TNS3: variants seen among roughly 807,000 people sequenced by gnomAD.
The protein encoded by TNS3 is tensin-3.
Under a neutral mutation model 140.9 loss-of-function variants are expected in TNS3, and 45 were observed. The observed-to-expected ratio is 0.32, with a 90% CI of 0.25 to 0.41. The LOEUF (loss-of-function observed/expected upper bound fraction) is 0.41. Ranked by LOEUF, TNS3 falls within the 10% of genes least tolerant of loss-of-function variation. The pLI is 1.00. For missense variants in TNS3, 1,716 were observed against 1,906.7 expected, an observed-to-expected ratio of 0.90 and a Z score of 1.86; for synonymous variants, 815 against 788.4, an observed-to-expected ratio of 1.03 and a Z score of -0.56.
At chr7:47,452,856 G>A (rs1796078505) in intron 4 of TNS3, 1 of 919,530 alleles carries the variant, frequency 1.1e-6, no homozygotes, top group Admixed American at 6.2e-5. Flanking sequence ...AGGCCACAGA[G>A]GAGGGTGGCC....
In TNS3 at chr7:47,435,162, T is replaced by A. The variant is rs1795115710; in HGVS notation, c.324+120A>T. 4.5e-6 allele frequency: 6 copies of A among 1,340,584 alleles called. No individual in the cohort carries two copies. In the South Asian group the frequency reaches 8.6e-5, roughly 19 times the overall value. 83.0% of individuals were successfully genotyped at this position (1,340,584 alleles called of 1,614,324 possible). ...GTAGGAAAACCTAAAGACAAACCCA[T>A]AAGGAGCACATCGCACCAGCTCAAA... On this transcript the variant is annotated intron_variant, in intron 8 of 30. Coordinates refer to ENST00000311160, the MANE Select transcript of TNS3 (RefSeq NM_022748.12).
At chr7:47,303,901 G>C (rs753155943) in intron 21 of TNS3, among the ~76,000 whole-genome samples, 1 of 152,136 alleles carries the variant, frequency 6.6e-6, no homozygotes, top group African/African-American at 2.4e-5. Context: ...CATCTTCACC[G>C]GGTCAAGGCC....
intron 16 of TNS3, among the ~76,000 whole-genome samples, chr7:47,390,961 G>A (rs899436183): frequency 3.3e-5 from 5 of 152,120 alleles, no homozygotes; most frequent in African/African-American, 1.2e-4. Context: ...GTATCCTCCA[G>A]TCATGTGGCA....
At chr7:47,538,357 G>A (rs1359396012) in intron 1 of TNS3, among the ~76,000 whole-genome samples, 1 of 152,196 alleles carries the variant, frequency 6.6e-6, no homozygotes, top group Non-Finnish European at 1.5e-5. Flanking sequence ...CTGCCTCAGA[G>A]CAGGATAGGG....
At chr7:47,411,190 C>T (rs1009302367) in intron 13 of TNS3, among the ~76,000 whole-genome samples, 1 of 152,176 alleles carries the variant, frequency 6.6e-6, no homozygotes, top group African/African-American at 2.4e-5. Context: ...TCTCGAGGGG[C>T]TCTAGAATGA....
At chr7:47,567,826 GAACTGGAAGTCCTGC>G (rs1461460757) in intron 1 of TNS3, among the ~76,000 whole-genome samples, 1 of 152,138 alleles carries the variant, frequency 6.6e-6, no homozygotes, top group Non-Finnish European at 1.5e-5. Flanking sequence ...TCATGTTCAT[GAACTGGAAGTCCTGC>G]AACTGGTGAG....
At chr7:47,437,745 TACACACAC>T (rs67341898) in intron 6 of TNS3, among the ~76,000 whole-genome samples, 6,437 of 135,756 alleles carry the variant, frequency 0.047, 258 homozygotes, top group African/African-American at 0.11. Context: ...ACATATAGGA[TACACACAC>T]ACACACACAC....
intron 4 of TNS3, among the ~76,000 whole-genome samples, chr7:47,465,706 C>T (rs766973418): frequency 2.0e-5 from 3 of 152,192 alleles, no homozygotes; most frequent in East Asian, 3.9e-4. Context: ...GGGAGGATCA[C>T]CTGAGGTCAG....
chr7:47,277,792 T>C lies in TNS3; in HGVS notation c.*284A>G, dbSNP rs1044753735. On this transcript the variant is annotated 3_prime_UTR_variant, in exon 31 of 31. Transcript: ENST00000311160. ...CTGTGCTGTTTCCTTGCATGTCCCTTTCCCATGGGGACCCTAGGGGGTGGG... is the reference window on the plus strand; with the variant it reads ...CTGTGCTGTTTCCTTGCATGTCCCTCTCCCATGGGGACCCTAGGGGGTGGG... The C allele has an allele frequency of 6.2e-6, 3 of 480,564 alleles. No individual in the cohort carries two copies. Among genetic ancestry groups the C allele is most frequent in the Non-Finnish European group, 7.7e-6 (2 of 261,038 alleles). The allele number at this position is 480,564 out of a possible 1,614,324, so 29.8% of individuals were successfully genotyped here.
At position 47,414,038 on chromosome 7, in the gene TNS3, A is replaced by G. The variant is rs1793935808; in HGVS notation, c.587-41T>C. ...AACTGTCTGTAGAGGCATGACCGGTACAGAACGAACAGGAATTTGGCAATC... is the reference window on the plus strand; with the variant it reads ...AACTGTCTGTAGAGGCATGACCGGTGCAGAACGAACAGGAATTTGGCAATC... On this transcript the variant is annotated intron_variant, in intron 11 of 30. Transcript: ENST00000311160. 2 of 1,605,366 alleles carry G rather than the reference A, an allele frequency of 1.2e-6. 1 individual carries two copies. Among genetic ancestry groups the G allele is most frequent in the East Asian group, 4.5e-5 (2 of 44,764 alleles).
chr7:47,559,417 G>A (rs1445123714), intron 1 of TNS3, among the ~76,000 whole-genome samples: 1 of 152,148 alleles, frequency 6.6e-6, no homozygotes, highest in Non-Finnish European at 1.5e-5. Context: ...ATGGGAGCGG[G>A]AGAATTCTCC....
At chr7:47,334,559 A>G (rs1788519162) in intron 20 of TNS3, among the ~76,000 whole-genome samples, 1 of 151,770 alleles carries the variant, frequency 6.6e-6, no homozygotes, top group South Asian at 2.1e-4. Context: ...TATTTTTAAA[A>G]AATTATGAAA....
In TNS3 at chr7:47,276,936, G is replaced by A. The variant is rs751352911; in HGVS notation, c.*1140C>T. 1.3e-5 allele frequency: 2 copies of A among 152,210 alleles called. No individual in the cohort carries two copies. Among genetic ancestry groups the A allele is most frequent in the East Asian group, 1.9e-4 (1 of 5,194 alleles). 9.4% of individuals were successfully genotyped at this position (152,210 alleles called of 1,614,324 possible). A position where few individuals can be genotyped will look rare whatever the true frequency, so the allele number is the denominator to read the frequency against. Reference sequence around the variant, plus strand: ...CGAACTTCAGGTCGTGCAGCTTCAGGCCTGAAGATGATCGAAAAGCCCATG... The same window carrying A: ...CGAACTTCAGGTCGTGCAGCTTCAGACCTGAAGATGATCGAAAAGCCCATG... On this transcript the variant is annotated 3_prime_UTR_variant, in exon 31 of 31. Transcript: ENST00000311160.
At chr7:47,483,585 T>C (rs1329446561) in intron 3 of TNS3, among the ~76,000 whole-genome samples, 1 of 152,220 alleles carries the variant, frequency 6.6e-6, no homozygotes, top group Non-Finnish European at 1.5e-5. Flanking sequence ...AGAAAAGCCT[T>C]GTGCAATGTC....
intron 3 of TNS3, among the ~76,000 whole-genome samples, chr7:47,482,839 G>A (rs1322129627): frequency 6.6e-6 from 1 of 152,204 alleles, no homozygotes; most frequent in African/African-American, 2.4e-5. Flanking sequence ...GCCACATACT[G>A]TATGATTTCA....
At chr7:47,387,154 G>A (rs965613558) in intron 16 of TNS3, among the ~76,000 whole-genome samples, 16 of 152,124 alleles carry the variant, frequency 1.1e-4, no homozygotes, top group African/African-American at 3.9e-4. Context: ...AACTGTACAG[G>A]GCCAGAGTGC....
intron 1 of TNS3, chr7:47,579,949 G>A: frequency 1.8e-6 from 1 of 569,950 alleles, no homozygotes; most frequent in South Asian, 7.7e-5. Flanking sequence ...TATTTCCAGA[G>A]TCACATTTGC....
At chr7:47,302,757 A>G (rs1264062812) in intron 22 of TNS3, among the ~76,000 whole-genome samples, 193 bp downstream of exon 22, 1 of 152,252 alleles carries the variant, frequency 6.6e-6, no homozygotes, top group Non-Finnish European at 1.5e-5. Flanking sequence ...AGCCAAGAAG[A>G]GTGAATGAAA....
In TNS3 at chr7:47,280,400, T is replaced by A. The variant is rs201628266; in HGVS notation, c.4098-46A>T. 2.1e-4 allele frequency: 328 copies of A among 1,579,620 alleles called. 1 individual carries two copies. In the African/African-American group the frequency reaches 3.8e-3, roughly 18 times the overall value. Reference sequence around the variant, plus strand: ...GAGGATGGCTCCTGTTACTAGGGCTTTTGGGTGATGGGGGATGCACTGGGC... The same window carrying A: ...GAGGATGGCTCCTGTTACTAGGGCTATTGGGTGATGGGGGATGCACTGGGC... On this transcript the variant is annotated intron_variant, in intron 28 of 30. Coordinates refer to ENST00000311160, the MANE Select transcript of TNS3 (RefSeq NM_022748.12).
Sources: gnomAD v4.1 joint callset for allele counts (sites outside exome capture counted in the v4.1 genomes callset) on GRCh38, gnomAD v4.1.1 for gene constraint, MANE v1.5 for transcripts, NCBI Gene and HGNC (gene_info 2026-07-23, HGNC 2026-07-21) for gene names.